Variants in RPH3AL observed in about 807,000 individuals in gnomAD.
RPH3AL encodes rabphilin 3A like (without C2 domains).
Under a neutral mutation model 43.1 loss-of-function variants are expected in RPH3AL, and 38 were observed. That is an observed-to-expected ratio of 0.88 (90% CI 0.68 to 1.15). The LOEUF (loss-of-function observed/expected upper bound fraction) is 1.15, where lower values mean the gene tolerates loss of function less well. RPH3AL is among the 50% of genes most tolerant of loss of function. The pLI is 0.00. For synonymous variants in RPH3AL, 189 were observed against 176.3 expected (o/e 1.07, Z -0.57); for missense variants, 462 against 423.2 (o/e 1.09, Z -0.81).
Position 245,157 on chromosome 17 carries a change from A to G in RPH3AL, c.613+1954T>C, listed in dbSNP as rs2041721598. ...TGTGTCCATGTGGATGTGTGTGTGC[A>G]CATGGATGTGTCTGTGTGTACGTGG... is the stretch of plus-strand genomic sequence containing the variant. On this transcript the variant is annotated intron_variant, in intron 7 of 9. Coordinates refer to ENST00000331302, the MANE Select transcript of RPH3AL (RefSeq NM_006987.4). The surrounding 1 kb of genome is among the most constrained non-coding windows in gnomAD (Gnocchi z 5.9). Among the ~76,000 whole-genome samples, 1 of 146,470 alleles carries G rather than the reference A, an allele frequency of 6.8e-6. No individual in the cohort carries two copies. Among genetic ancestry groups the G allele is most frequent in the African/African-American group, 2.6e-5 (1 of 39,202 alleles).
At chr17:291,398 T>A (rs964820667) in intron 5 of RPH3AL, among the ~76,000 whole-genome samples, 2 of 151,938 alleles carry the variant, frequency 1.3e-5, no homozygotes, top group African/African-American at 4.8e-5. Flanking sequence ...TAAAAAATAA[T>A]AAAATAAAAT....
At chr17:229,063 T>C (rs1384796558) in intron 7 of RPH3AL, among the ~76,000 whole-genome samples, 7 of 152,208 alleles carry the variant, frequency 4.6e-5, no homozygotes, top group Admixed American at 4.6e-4. Flanking sequence ...TATACATATT[T>C]TTAAAAAATT....
chr17:327,252 C>A (rs929904496), intron 3 of RPH3AL, among the ~76,000 whole-genome samples: 4 of 152,174 alleles, frequency 2.6e-5, no homozygotes, highest in Non-Finnish European at 5.9e-5. Flanking sequence ...AGGAGCTCAG[C>A]CTCACTTTGC....
intron 1 of RPH3AL, chr17:348,838 C>T (rs1330318175): frequency 6.6e-6 from 1 of 152,172 alleles, no homozygotes; most frequent in African/African-American, 2.4e-5. Flanking sequence ...TACTGGGCCC[C>T]AGTTCTTTCT....
At position 328,814 on chromosome 17, in the gene RPH3AL, T is replaced by C. The variant is rs2044679321; in HGVS notation, c.-36-1235A>G. Among the ~76,000 whole-genome samples the C allele has an allele frequency of 6.6e-6, 1 of 152,236 alleles. No individual in the cohort carries two copies. Among genetic ancestry groups the C allele is most frequent in the South Asian group, 2.1e-4 (1 of 4,832 alleles). On this transcript the variant is annotated intron_variant, in intron 2 of 9. Transcript: ENST00000331302. The surrounding 1 kb of genome is among the most constrained non-coding windows in gnomAD (Gnocchi z 4.2). ...ATTATTATTTGGCCGTAAAAAGGAA[T>C]GAAGTGCTAATACCAGCTACAACAT...
At position 321,344 on chromosome 17, in the gene RPH3AL, G is replaced by C. The variant is rs375175686; in HGVS notation, c.149C>G (p.Ala50Gly). 2 of 1,611,392 alleles carry C rather than the reference G, an allele frequency of 1.2e-6. No individual in the cohort carries two copies. The highest frequency in any genetic ancestry group is 1.3e-5 in the African/African-American group (1 of 74,846). ...GACCTGCAGGATGGCCTCCACCTCC[G>C]CCGGGCTGAGGTGCTGCTTCCTCCT... ...KQRRKQHLSP[A>G]EVEAILQVIQ... The change falls in exon 4 of 10, where the codon GCG (alanine) becomes GGG (glycine). Residue 50 changes from alanine to glycine, a missense_variant. Ala to Gly is a moderately conservative substitution (Grantham distance 60). Transcript: ENST00000331302.
intron 7 of RPH3AL, among the ~76,000 whole-genome samples, chr17:239,246 C>T (rs1487945243): frequency 6.6e-6 from 1 of 152,132 alleles, no homozygotes; most frequent in Non-Finnish European, 1.5e-5. Flanking sequence ...CCTGAGATAA[C>T]ACAGAGGACA....
At chr17:235,387 A>G (rs1597898865) in intron 7 of RPH3AL, among the ~76,000 whole-genome samples, 3 of 127,488 alleles carry the variant, frequency 2.4e-5, no homozygotes, top group Non-Finnish European at 3.4e-5. Flanking sequence ...GCTCTACACT[A>G]ACAAGACAGG....
At chr17:350,185 G>C (rs2045324808) in intron 1 of RPH3AL, among the ~76,000 whole-genome samples, 1 of 152,146 alleles carries the variant, frequency 6.6e-6, no homozygotes, top group Non-Finnish European at 1.5e-5. Flanking sequence ...GTGAATTGTG[G>C]TAACAGAGTA....
intron 6 of RPH3AL, among the ~76,000 whole-genome samples, chr17:280,419 G>A (rs969449728): frequency 4.6e-5 from 7 of 152,170 alleles, no homozygotes; most frequent in East Asian, 3.9e-4. Flanking sequence ...AAGCTGTCAC[G>A]GCTGGGATGA....
intron 2 of RPH3AL, chr17:331,567 G>C (rs754794327): frequency 7.8e-7 from 1 of 1,275,198 alleles, no homozygotes; most frequent in South Asian, 1.3e-5. Flanking sequence ...GATGGTGGGA[G>C]AGGAAGGGCA....
chr17:218,244 A>G (rs796788964), intron 8 of RPH3AL, among the ~76,000 whole-genome samples: 60 of 79,750 alleles, frequency 7.5e-4, no homozygotes, highest in African/African-American at 2.2e-3. Flanking sequence ...TTTCGTTCCC[A>G]TCTGGGGCAG....
intron 6 of RPH3AL, among the ~76,000 whole-genome samples, chr17:276,124 A>G (rs1366473594): frequency 6.6e-6 from 1 of 152,262 alleles, no homozygotes; most frequent in Non-Finnish European, 1.5e-5. Context: ...AGCACCAATC[A>G]GGAATCAAAC....
rs2043003866 is a variant in RPH3AL, at chr17:289,752, A to T, written c.352-7898T>A. 6.6e-6 allele frequency among the ~76,000 whole-genome samples: 1 copy of T among 151,922 alleles called. No individual in the cohort carries two copies. On this transcript the variant is annotated intron_variant, in intron 5 of 9. Transcript: ENST00000331302. The surrounding 1 kb of genome is among the most constrained non-coding windows in gnomAD (Gnocchi z 5.2). ...CAGCCCCTGGTCCTTCTGCCACAGGACCTTTGCACGTGTTGCCCCCTCTGT... is the reference window on the plus strand; with the variant it reads ...CAGCCCCTGGTCCTTCTGCCACAGGTCCTTTGCACGTGTTGCCCCCTCTGT...
intron 5 of RPH3AL, among the ~76,000 whole-genome samples, chr17:314,711 GC>G (rs2043840787): frequency 4.1e-5 from 1 of 24,272 alleles, no homozygotes; most frequent in African/African-American, 2.4e-4. Context: ...TAGTCTCTGT[GC>G]TCCACCTCCA....
chr17:228,407 C>T (rs1015755453), intron 7 of RPH3AL, among the ~76,000 whole-genome samples: 2 of 152,064 alleles, frequency 1.3e-5, no homozygotes, highest in African/African-American at 4.8e-5. Flanking sequence ...GACTCTCACC[C>T]CGGGTTGTCG....
chr17:260,251 G>T (rs1254380327), intron 6 of RPH3AL, among the ~76,000 whole-genome samples: 5 of 152,220 alleles, frequency 3.3e-5, no homozygotes, highest in African/African-American at 7.2e-5. Context: ...TTCAGTGGGT[G>T]CCCCTTCATG....
chr17:224,657 C>A (rs1272734305), intron 7 of RPH3AL, among the ~76,000 whole-genome samples: 1 of 152,208 alleles, frequency 6.6e-6, no homozygotes, highest in Non-Finnish European at 1.5e-5. Flanking sequence ...GACCTGTACA[C>A]TGGAGCAAGA....
intron 5 of RPH3AL, among the ~76,000 whole-genome samples, chr17:304,316 G>A (rs933121505): frequency 6.6e-6 from 1 of 151,864 alleles, no homozygotes; most frequent in African/African-American, 2.4e-5. Context: ...TTCCAGGTGA[G>A]AGACCTGAAG....
Sources: allele counts gnomAD v4.1 joint callset (sites outside exome capture counted in the v4.1 genomes callset), GRCh38; gene constraint gnomAD v4.1.1; non-coding constraint Gnocchi (gnomAD v3.1); transcripts MANE v1.5; gene names NCBI Gene and HGNC (gene_info 2026-07-23, HGNC 2026-07-21).